LDHA: variants seen among roughly 807,000 people sequenced by gnomAD.
LDHA encodes L-lactate dehydrogenase A chain.
Under a neutral mutation model 36.3 loss-of-function variants are expected in LDHA, and 10 were observed. The observed-to-expected ratio is 0.28, with a 90% CI of 0.17 to 0.47. The LOEUF (loss-of-function observed/expected upper bound fraction) is 0.47, where lower values mean the gene tolerates loss of function less well. LDHA is among the 20% of genes least tolerant of loss of function. The pLI, the probability that LDHA is intolerant of heterozygous loss-of-function variation, is 0.99. For synonymous variants in LDHA, 110 were observed against 136.7 expected, an observed-to-expected ratio of 0.80 and a Z score of 1.36; for missense variants, 267 against 405.8, an observed-to-expected ratio of 0.66 and a Z score of 2.94.
Position 18,407,967 on chromosome 11 carries a change from A to G in LDHA, c.*686A>G, listed in dbSNP as rs1866763000. 1 of 454,044 alleles carries G rather than the reference A, an allele frequency of 2.2e-6. No individual in the cohort carries two copies. Among genetic ancestry groups the G allele is most frequent in the Non-Finnish European group, 4.4e-6 (1 of 226,812 alleles). The allele number at this position is 454,044 out of a possible 1,614,324, so 28.1% of individuals were successfully genotyped here. A position where few individuals can be genotyped will look rare whatever the true frequency, so the allele number is the denominator to read the frequency against. Reference sequence around the variant, plus strand: ...TGCAACGATTTTTTCTAACAGGGATATTATTGACTAATAGCAGAGGATGTA... The same window carrying G: ...TGCAACGATTTTTTCTAACAGGGATGTTATTGACTAATAGCAGAGGATGTA... On this transcript the variant is annotated 3_prime_UTR_variant, in exon 8 of 8. Transcript: ENST00000422447.
At chr11:18,399,205 C>T (rs1866395972) in intron 2 of LDHA, 7 of 503,964 alleles carry the variant, frequency 1.4e-5, no homozygotes, top group South Asian at 1.0e-4. Flanking sequence ...CTATAGAGCT[C>T]GCTTCAGTGG....
Position 18,407,511 on chromosome 11 carries a change from GA to G in LDHA, c.*233del. 1.1e-6 allele frequency: 1 copy of G among 884,068 alleles called. No individual in the cohort carries two copies. 54.8% of individuals were successfully genotyped at this position (884,068 alleles called of 1,614,324 possible). ...TGTGTAGTCTTCAACTGGTTAGTGT[GA>G]AATAGTTCTGCCACCTCTGACGCAC... On this transcript the variant is annotated 3_prime_UTR_variant, in exon 8 of 8. Transcript: ENST00000422447.
In LDHA at chr11:18,407,377, A is replaced by G; in HGVS notation, c.*96A>G. ...TCCTTTTTATCTGATCTGTGATTAA[A>G]GCAGTAATATTTTAAGATGGACTGG... is the stretch of plus-strand genomic sequence containing the variant. On this transcript the variant is annotated 3_prime_UTR_variant, in exon 8 of 8. Transcript: ENST00000422447. The G allele has an allele frequency of 6.2e-7, 1 of 1,603,720 alleles. No individual in the cohort carries two copies. The highest frequency in any genetic ancestry group is 8.5e-7 in the Non-Finnish European group (1 of 1,175,232).
chr11:18,400,488 T>A (rs1866448296), intron 3 of LDHA: 2 of 350,364 alleles, frequency 5.7e-6, no homozygotes. Context: ...CACACGAAAT[T>A]GCCTGTTCCT....
At chr11:18,404,561 C>A (rs1324130399) in intron 6 of LDHA, among the ~76,000 whole-genome samples, 1 of 152,090 alleles carries the variant, frequency 6.6e-6, no homozygotes, top group Non-Finnish European at 1.5e-5. Context: ...GTAATCCCAG[C>A]ACTTTGGGAG....
Position 18,407,461 on chromosome 11 carries a change from T to C in LDHA, c.*180T>C. On this transcript the variant is annotated 3_prime_UTR_variant, in exon 8 of 8. Coordinates refer to ENST00000422447, the MANE Select transcript of LDHA (RefSeq NM_005566.4). ...ATGGTTTGTAAAATCCACAGCTATA[T>C]CCTGATGCTGGATGGTATTAATCTT... is the stretch of plus-strand genomic sequence containing the variant. 1.6e-6 allele frequency: 2 copies of C among 1,231,142 alleles called. No individual in the cohort carries two copies. Among genetic ancestry groups the C allele is most frequent in the Non-Finnish European group, 2.3e-6 (2 of 858,706 alleles). The allele number at this position is 1,231,142 out of a possible 1,614,324, so 76.3% of individuals were successfully genotyped here.
rs1471132284 is a variant in LDHA at position 18,394,633 on chromosome 11, C to T, written c.-28C>T. 1.8e-5 allele frequency: 8 copies of T among 454,018 alleles called. No homozygotes were observed. The highest frequency in any genetic ancestry group is 9.4e-5 in the Admixed American group (4 of 42,560). The allele number at this position is 454,018 out of a possible 1,614,324, so 28.1% of individuals were successfully genotyped here. On this transcript the variant is annotated 5_prime_UTR_variant, in exon 1 of 8. Transcript: ENST00000422447. Reference sequence around the variant, plus strand: ...CCCCGACGACCGCCCGACGTGCATTCCCGGTACGGTAGGGCCCTGCGCGCA... The same window carrying T: ...CCCCGACGACCGCCCGACGTGCATTTCCGGTACGGTAGGGCCCTGCGCGCA...
Position 18,407,089 on chromosome 11 carries a change from G to GTTT in LDHA, c.835-28_835-27insTTT, listed in dbSNP as rs772615610. The GTTT allele has an allele frequency of 7.7e-6, 10 of 1,291,678 alleles. No individual in the cohort carries two copies. In the Admixed American group the frequency reaches 1.1e-4, roughly 14 times the overall value. 80.0% of individuals were successfully genotyped at this position (1,291,678 alleles called of 1,614,324 possible). On this transcript the variant is annotated intron_variant, in intron 7 of 7. Transcript: ENST00000422447. ...CTGGGAATGCATAGACAAAATGTGA[G>GTTT]ATTTTTTTTTTTTCATTTCATCTTC...
intron 3 of LDHA, chr11:18,400,495 T>C: frequency 2.7e-6 from 1 of 364,200 alleles, no homozygotes; most frequent in African/African-American, 2.2e-5. Flanking sequence ...AATTGCCTGT[T>C]CCTGGGCTGA....
chr11:18,398,379 A>G (rs1866367016), intron 2 of LDHA, among the ~76,000 whole-genome samples: 2 of 140,246 alleles, frequency 1.4e-5, no homozygotes, highest in Non-Finnish European at 3.1e-5. Context: ...GGCGGAAATC[A>G]GACTTTTTAA....
intron 2 of LDHA, 25 bp downstream of exon 2, chr11:18,396,993 A>G (rs555787413): frequency 1.9e-6 from 3 of 1,612,610 alleles, no homozygotes; most frequent in African/African-American, 2.7e-5. Flanking sequence ...ACCACACTGG[A>G]AGCCCATACC....
chr11:18,407,685 C>T lies in LDHA; in HGVS notation c.*404C>T. On this transcript the variant is annotated 3_prime_UTR_variant, in exon 8 of 8. Coordinates refer to ENST00000422447, the MANE Select transcript of LDHA (RefSeq NM_005566.4). Reference sequence around the variant, plus strand: ...ACATCCTGGGATCCAGTGTATAAATCCAATATCATGTCTTGTGCATAATTC... The same window carrying T: ...ACATCCTGGGATCCAGTGTATAAATTCAATATCATGTCTTGTGCATAATTC... 1 of 526,720 alleles carries T rather than the reference C, an allele frequency of 1.9e-6. No homozygotes were observed. Among genetic ancestry groups the T allele is most frequent in the South Asian group, 1.5e-5 (1 of 64,670 alleles). 32.6% of individuals were successfully genotyped at this position (526,720 alleles called of 1,614,324 possible).
In LDHA at chr11:18,402,927, G is replaced by T; in HGVS notation, c.506G>T (p.Arg169Leu). The change falls in exon 5 of 8, where the codon CGA (arginine) becomes CTA (leucine). Residue 169 changes from arginine (R) to leucine (L), a missense_variant. Arg to Leu is a moderately radical substitution (Grantham distance 102). Coordinates refer to ENST00000422447, the MANE Select transcript of LDHA (RefSeq NM_005566.4). ...AGCGGTTGCAATCTGGATTCAGCCC[G>T]ATTCCGTTACCTAATGGGGGAAAGG... ...IGSGCNLDSARFRYLMGERLG... is the reference protein window; with the variant it reads ...IGSGCNLDSALFRYLMGERLG... 6.2e-7 allele frequency: 1 copy of T among 1,612,750 alleles called. No individual in the cohort carries two copies. The highest frequency in any genetic ancestry group is 8.5e-7 in the Non-Finnish European group (1 of 1,178,772).
In LDHA at chr11:18,396,905, TA is replaced by T. The variant is rs1426963182; in HGVS notation, c.65del (p.Lys22ArgfsTer19). The T allele has an allele frequency of 1.9e-6, 3 of 1,613,834 alleles. No individual in the cohort carries two copies. Among genetic ancestry groups the T allele is most frequent in the South Asian group, 2.2e-5 (2 of 91,056 alleles). On this transcript the variant is annotated frameshift_variant, in exon 2 of 8. Transcript: ENST00000422447. LOFTEE classifies it high-confidence loss of function. ...TAAAGGAAGAACAGACCCCCCAGAA[TA>T]AGATTACAGTTGTTGGGGTTGGTGC... ...LLKEEQTPQN[K>X]ITVVGVGAVG... is the part of the protein sequence containing the mutation.
In LDHA at chr11:18,401,473, CTTT is replaced by C. The variant is rs58157049; in HGVS notation, c.418+483_418+485del. Among the ~76,000 whole-genome samples, 8 of 68,584 alleles carry C rather than the reference CTTT, an allele frequency of 1.2e-4. 1 individual carries two copies. The highest frequency in any genetic ancestry group is 4.2e-4 in the African/African-American group (7 of 16,808). 45.0% of individuals were successfully genotyped at this position (68,584 alleles called of 152,430 possible). A position where few individuals can be genotyped will look rare whatever the true frequency, so the allele number is the denominator to read the frequency against. ...CATATTTATTGATTCATTTATTTTT[CTTT>C]TTTTTTTTTTTTTTTTTTTGAGACG... On this transcript the variant is annotated intron_variant, in intron 4 of 7. Coordinates refer to ENST00000422447, the MANE Select transcript of LDHA (RefSeq NM_005566.4).
At chr11:18,401,926 G>A (rs1458402949) in intron 4 of LDHA, among the ~76,000 whole-genome samples, 1 of 138,976 alleles carries the variant, frequency 7.2e-6, no homozygotes, top group Non-Finnish European at 1.6e-5. Context: ...TCTTGGATAA[G>A]GGATAAGTTT....
intron 4 of LDHA, among the ~76,000 whole-genome samples, chr11:18,401,632 G>A (rs975951102): frequency 6.7e-6 from 1 of 150,370 alleles, no homozygotes; most frequent in Non-Finnish European, 1.5e-5. Context: ...TGCCCACCAC[G>A]ACGCCTGGCT....
At chr11:18,402,524 C>G (rs1866543506) in intron 4 of LDHA, 1 of 341,470 alleles carries the variant, frequency 2.9e-6, no homozygotes, top group Non-Finnish European at 5.7e-6. Flanking sequence ...TCTTGAACTG[C>G]TGGCCTCAGG....
rs59534512 is a variant in LDHA at position 18,401,955 on chromosome 11, C to CTCTCTCTTTTTTTTT, written c.419-884_419-883insCTCTCTTTTTTTTTT. On this transcript the variant is annotated intron_variant, in intron 4 of 7. Coordinates refer to ENST00000422447, the MANE Select transcript of LDHA (RefSeq NM_005566.4). Reference sequence around the variant, plus strand: ...TAAGTTTGTGAATAATTGTTATTCTCTTTTTTTTTTTTTTTTTTTTTGAGA... The same window carrying CTCTCTCTTTTTTTTT: ...TAAGTTTGTGAATAATTGTTATTCTCTCTCTCTTTTTTTTTTTTTTTTTTTTTTTTTTTTTTGAGA... 6.9e-4 allele frequency among the ~76,000 whole-genome samples: 36 copies of CTCTCTCTTTTTTTTT among 52,268 alleles called. 4 individuals are homozygous for CTCTCTCTTTTTTTTT. Among genetic ancestry groups the CTCTCTCTTTTTTTTT allele is most frequent in the Non-Finnish European group, 8.7e-4 (23 of 26,544 alleles). 34.3% of individuals were successfully genotyped at this position (52,268 alleles called of 152,430 possible). A position where few individuals can be genotyped will look rare whatever the true frequency, so the allele number is the denominator to read the frequency against.
Sources: allele counts gnomAD v4.1 joint callset (sites outside exome capture counted in the v4.1 genomes callset), GRCh38; gene constraint gnomAD v4.1.1; transcripts MANE v1.5; gene names NCBI Gene and HGNC (gene_info 2026-07-23, HGNC 2026-07-21).